DLC1: variants seen among roughly 807,000 people sequenced by gnomAD.
DLC1 encodes the protein rho GTPase-activating protein 7.
Under a neutral mutation model 140.3 loss-of-function variants are expected in DLC1, and 54 were observed. That is an observed-to-expected ratio of 0.38 (90% confidence interval 0.31 to 0.48). The LOEUF is 0.48. Ranked by LOEUF, DLC1 falls within the 20% of genes least tolerant of loss-of-function variation. The probability of loss-of-function intolerance (pLI) is 0.96; values close to 1 mark genes in which losing one functional copy is unlikely to be tolerated. For missense variants in DLC1, 2,536 were observed against 1,907.0 expected (o/e 1.33, Z -6.14); for synonymous variants, 986 against 728.1 (o/e 1.35, Z -5.70).
At chr8:13,402,107 C>T (rs189222153) in intron 2 of DLC1, among the ~76,000 whole-genome samples, 62 of 142,392 alleles carry the variant, frequency 4.4e-4, no homozygotes, top group African/African-American at 1.5e-3. Flanking sequence ...TGCAGGGGAA[C>T]AGTTTTCCTA....
chr8:13,553,711 T>C (rs1483845916), intron 1 of DLC1, among the ~76,000 whole-genome samples: 1 of 152,048 alleles, frequency 6.6e-6, no homozygotes, highest in Non-Finnish European at 1.5e-5. Flanking sequence ...CTACATTTAT[T>C]GTCTTCATTT....
intron 5 of DLC1, among the ~76,000 whole-genome samples, chr8:13,179,076 G>C (rs1825902573): frequency 6.6e-6 from 1 of 152,154 alleles, no homozygotes; most frequent in African/African-American, 2.4e-5. Context: ...CAATGCAATA[G>C]AATGCTACAG....
intron 1 of DLC1, among the ~76,000 whole-genome samples, chr8:13,573,198 G>A (rs564288330): frequency 2.6e-4 from 40 of 152,034 alleles, no homozygotes; most frequent in Admixed American, 2.3e-3. Flanking sequence ...CAATGTATTC[G>A]TAAGTGTTTT....
intron 7 of DLC1, among the ~76,000 whole-genome samples, chr8:13,105,533 C>G (rs190500616): frequency 1.3e-5 from 2 of 151,850 alleles, no homozygotes; most frequent in East Asian, 3.9e-4. Flanking sequence ...TCTAAGTCCA[C>G]ACGATTAAAA....
intron 1 of DLC1, among the ~76,000 whole-genome samples, chr8:13,539,485 C>G (rs1803412307): frequency 6.6e-6 from 1 of 152,122 alleles, no homozygotes; most frequent in African/African-American, 2.4e-5. Flanking sequence ...CAGGCGTGAG[C>G]CACTGCACCC....
intron 2 of DLC1, among the ~76,000 whole-genome samples, chr8:13,424,344 C>A (rs935253911): frequency 2.0e-5 from 3 of 151,898 alleles, no homozygotes; most frequent in African/African-American, 7.3e-5. Context: ...CAAAAATTAG[C>A]CAGGTATGGT....
At chr8:13,389,393 C>G (rs529217806) in intron 4 of DLC1, among the ~76,000 whole-genome samples, 70 of 152,116 alleles carry the variant, frequency 4.6e-4, no homozygotes, top group Non-Finnish European at 8.5e-4. Context: ...TAACATGATA[C>G]AAGGGCTCGC....
intron 5 of DLC1, among the ~76,000 whole-genome samples, chr8:13,141,775 A>T (rs1823010593): frequency 6.6e-6 from 1 of 152,168 alleles, no homozygotes; most frequent in Non-Finnish European, 1.5e-5. Context: ...ATCTTCCAAG[A>T]TTGGCTTTTC....
intron 2 of DLC1, among the ~76,000 whole-genome samples, chr8:13,434,829 T>G (rs1839043428): frequency 6.6e-6 from 1 of 151,934 alleles, no homozygotes; most frequent in Admixed American, 6.6e-5. Flanking sequence ...CAGGCCCTGC[T>G]CCAACACACC....
At chr8:13,210,343 C>G (rs2117104499) in intron 5 of DLC1, among the ~76,000 whole-genome samples, 1 of 152,164 alleles carries the variant, frequency 6.6e-6, no homozygotes, top group Non-Finnish European at 1.5e-5. Flanking sequence ...GGGAGAAGAT[C>G]AAAGATCACA....
chr8:13,120,356 A>AAAAAAAAAAAAAAAAAATAT, intron 5 of DLC1, among the ~76,000 whole-genome samples: 1 of 61,122 alleles, frequency 1.6e-5, no homozygotes, highest in African/African-American at 4.2e-5. Context: ...AAAAAAAAAA[A>AAAAAAAAAAAAAAAAAATAT]ATATATATAT....
At chr8:13,536,657 C>T (rs960739389) in intron 1 of DLC1, among the ~76,000 whole-genome samples, 3 of 152,200 alleles carry the variant, frequency 2.0e-5, no homozygotes, top group Admixed American at 2.0e-4. Context: ...TCCCCCTGGT[C>T]AAAGGCTGCT....
chr8:13,536,756 G>A (rs184760107), intron 1 of DLC1, among the ~76,000 whole-genome samples: 457 of 152,178 alleles, frequency 3.0e-3, no homozygotes, highest in African/African-American at 0.011. Context: ...TTTTTTTGAA[G>A]AGATATTGCG....
At chr8:13,249,421 A>C (rs1417774520) in intron 5 of DLC1, among the ~76,000 whole-genome samples, 1 of 152,060 alleles carries the variant, frequency 6.6e-6, no homozygotes, top group East Asian at 1.9e-4. Flanking sequence ...CCACTGCATT[A>C]AGAGAGTTGA....
At chr8:13,224,274 G>A (rs912409081) in intron 5 of DLC1, among the ~76,000 whole-genome samples, 2 of 152,194 alleles carry the variant, frequency 1.3e-5, no homozygotes, top group East Asian at 3.8e-4. Context: ...AATGATATTG[G>A]TTGTTTGAGA....
intron 5 of DLC1, among the ~76,000 whole-genome samples, chr8:13,165,224 A>G (rs919181639): frequency 2.2e-4 from 33 of 152,162 alleles, no homozygotes; most frequent in African/African-American, 7.5e-4. Context: ...TGTTTTGTGT[A>G]TTTGTTTGCT....
At chr8:13,372,037 AATAG>A (rs1248739979) in intron 4 of DLC1, among the ~76,000 whole-genome samples, 2 of 152,306 alleles carry the variant, frequency 1.3e-5, no homozygotes, top group East Asian at 3.9e-4. Flanking sequence ...AACACATTAA[AATAG>A]ATCGGGGCAT....
At position 13,390,201 on chromosome 8, in the gene DLC1, A is replaced by G. The variant is rs558458460; in HGVS notation, c.1314+3352T>C. On this transcript the variant is annotated intron_variant, in intron 4 of 17. Transcript: ENST00000276297. ...ACCTAAAAGAATAACAACACCAATAACAAGAAAAAATAACATGCCCACACA... is the reference window on the plus strand; with the variant it reads ...ACCTAAAAGAATAACAACACCAATAGCAAGAAAAAATAACATGCCCACACA... Among the ~76,000 whole-genome samples, 5 of 152,332 alleles carry G rather than the reference A, an allele frequency of 3.3e-5. No homozygotes were observed. The East Asian group carries it at 7.7e-4, about 23-fold the overall frequency.
intron 4 of DLC1, among the ~76,000 whole-genome samples, chr8:13,390,482 A>G (rs1299982824): frequency 2.0e-5 from 3 of 152,162 alleles, no homozygotes; most frequent in South Asian, 4.1e-4. Flanking sequence ...ACTCCTTTGG[A>G]TATATACTCA....
Sources: gnomAD v4.1 joint callset for allele counts (sites outside exome capture counted in the v4.1 genomes callset) on GRCh38, gnomAD v4.1.1 for gene constraint, MANE v1.5 for transcripts, NCBI Gene and HGNC (gene_info 2026-07-23, HGNC 2026-07-21) for gene names.